Variants in EFHC1 observed in about 807,000 individuals in gnomAD.
EFHC1 encodes the protein EF-hand domain-containing protein 1.
EFHC1 carries 53 observed loss-of-function variants against 69.9 expected under a neutral mutation model. That is an observed-to-expected ratio of 0.76 (90% CI 0.61 to 0.95). The LOEUF (loss-of-function observed/expected upper bound fraction) is 0.95. EFHC1 is among the 40% of genes least tolerant of loss of function. EFHC1 has a pLI of 0.00. For missense variants in EFHC1, 739 were observed against 798.7 expected (o/e 0.93, Z 0.90); for synonymous variants, 256 against 278.4 (o/e 0.92, Z 0.80).
chr6:52,424,765 G>C (rs1010236134), intron 2 of EFHC1, among the ~76,000 whole-genome samples: 1 of 152,022 alleles, frequency 6.6e-6, no homozygotes, highest in African/African-American at 2.4e-5. Flanking sequence ...CCTTGTCAAT[G>C]AGCCTCCTCT....
chr6:52,429,522 T>C (rs990600904), intron 2 of EFHC1, among the ~76,000 whole-genome samples: 2 of 152,214 alleles, frequency 1.3e-5, no homozygotes, highest in Non-Finnish European at 2.9e-5. Flanking sequence ...GCTTTATTTC[T>C]GGGCTCTCTG....
At position 52,438,430 on chromosome 6, in the gene EFHC1, G is replaced by T; in HGVS notation, c.412G>T (p.Val138Leu). The T allele has an allele frequency of 1.2e-6, 2 of 1,614,048 alleles. No homozygotes were observed. The highest frequency in any genetic ancestry group is 1.7e-6 in the Non-Finnish European group (2 of 1,179,984). The change falls in exon 3 of 11, where the codon GTA becomes TTA. Residue 138 changes from valine (V) to leucine (L), a missense_variant. Coordinates refer to ENST00000371068, the MANE Select transcript of EFHC1 (RefSeq NM_018100.4). Reference protein sequence around the residue: ...DDSMSVIEPVVENSGILQGKL... With the variant: ...DDSMSVIEPVLENSGILQGKL... ...CAGCATGTCTGTCATAGAGCCTGTTGTAGAAAATTCTGGAATCCTTCAAGG... is the reference window on the plus strand; with the variant it reads ...CAGCATGTCTGTCATAGAGCCTGTTTTAGAAAATTCTGGAATCCTTCAAGG...
At chr6:52,463,102 A>G (rs1765210442) in intron 5 of EFHC1, among the ~76,000 whole-genome samples, 1 of 151,426 alleles carries the variant, frequency 6.6e-6, no homozygotes, top group East Asian at 2.0e-4. Context: ...ATCTCGGCTC[A>G]CTGCAAGCTC....
At chr6:52,453,622 C>CA (rs150509864) in intron 4 of EFHC1, 74,500 of 988,888 alleles carry the variant, frequency 0.075, 111 homozygotes, top group African/African-American at 0.15. Context: ...GAAGCCTAGC[C>CA]AAAAAAAAAA....
chr6:52,453,860 G>A, intron 4 of EFHC1: 1 of 1,356,544 alleles, frequency 7.4e-7, no homozygotes, highest in South Asian at 1.2e-5. Flanking sequence ...TTCTTTTTTG[G>A]CACAAACTTA....
chr6:52,452,543 C>T (rs1187241518), intron 3 of EFHC1, 145 bp from the exon 4 acceptor site: 10 of 841,372 alleles, frequency 1.2e-5, no homozygotes, highest in Non-Finnish European at 1.9e-5. Context: ...TTTCAGGAGT[C>T]CTCCTACCTC....
intron 1 of EFHC1, chr6:52,421,160 C>G: frequency 1.7e-6 from 1 of 589,216 alleles, no homozygotes; most frequent in Non-Finnish European, 2.1e-6. Context: ...ATCCTCTCCC[C>G]ATTCCTTTCT....
intron 2 of EFHC1, among the ~76,000 whole-genome samples, 155 bp from the exon 3 acceptor site, chr6:52,438,149 T>C (rs1018191431): frequency 2.6e-5 from 4 of 152,194 alleles, no homozygotes; most frequent in Non-Finnish European, 5.9e-5. Context: ...TAGTTTGCAG[T>C]ATCTGTAGTT....
intron 2 of EFHC1, chr6:52,437,632 T>C (rs76920390): frequency 0.032 from 4,875 of 152,450 alleles, 115 homozygotes; most frequent in Non-Finnish European, 0.048. Context: ...TCTTCCTGGC[T>C]TGCATACAGC....
chr6:52,436,702 C>T (rs976730078), intron 2 of EFHC1, among the ~76,000 whole-genome samples: 13 of 152,048 alleles, frequency 8.5e-5, no homozygotes, highest in East Asian at 5.8e-4. Flanking sequence ...AGTGCAGTGG[C>T]GCTAACTCAG....
At chr6:52,431,478 A>G (rs1764412484) in intron 2 of EFHC1, among the ~76,000 whole-genome samples, 1 of 152,196 alleles carries the variant, frequency 6.6e-6, no homozygotes, top group South Asian at 2.1e-4. Flanking sequence ...ACTTAGGAGC[A>G]GGTTATTTAA....
intron 5 of EFHC1, among the ~76,000 whole-genome samples, chr6:52,456,642 T>C (rs984390612): frequency 3.9e-5 from 6 of 152,162 alleles, no homozygotes; most frequent in Non-Finnish European, 7.4e-5. Flanking sequence ...GGCTGGTCGC[T>C]GTGGCCGAAG....
chr6:52,465,947 A>G (rs993379399), intron 6 of EFHC1, among the ~76,000 whole-genome samples: 1 of 150,640 alleles, frequency 6.6e-6, no homozygotes, highest in Non-Finnish European at 1.5e-5. Context: ...TTATATTATG[A>G]CATATAGATA....
intron 2 of EFHC1, among the ~76,000 whole-genome samples, chr6:52,428,899 A>G (rs1764359691): frequency 6.6e-6 from 1 of 152,190 alleles, no homozygotes; most frequent in Non-Finnish European, 1.5e-5. Flanking sequence ...CAGGACTAAG[A>G]TGATATCACA....
intron 5 of EFHC1, among the ~76,000 whole-genome samples, chr6:52,454,783 T>A (rs9463790): frequency 0.042 from 6,456 of 152,232 alleles, 239 homozygotes; most frequent in East Asian, 0.14. Flanking sequence ...CAGCTCATTC[T>A]TTACTGGTTT....
chr6:52,464,006 T>C (rs1219141265), intron 5 of EFHC1, among the ~76,000 whole-genome samples: 1 of 152,204 alleles, frequency 6.6e-6, no homozygotes, highest in Non-Finnish European at 1.5e-5. Flanking sequence ...AATTACTAGT[T>C]AGGAGAACAT....
intron 7 of EFHC1, among the ~76,000 whole-genome samples, chr6:52,476,570 C>A (rs545327573): frequency 6.6e-6 from 1 of 152,142 alleles, no homozygotes. Context: ...TGATCAAGGT[C>A]AGTGTTATCC....
chr6:52,495,303 A>C lies in EFHC1; in HGVS notation c.*2962A>C, dbSNP rs1425315391. 1 of 454,116 alleles carries C rather than the reference A, an allele frequency of 2.2e-6. No homozygotes were observed. Among genetic ancestry groups the C allele is most frequent in the Admixed American group, 2.3e-5 (1 of 42,582 alleles). The allele number at this position is 454,116 out of a possible 1,614,324, so 28.1% of individuals were successfully genotyped here. A position where few individuals can be genotyped will look rare whatever the true frequency, so the allele number is the denominator to read the frequency against. On this transcript the variant is annotated 3_prime_UTR_variant, in exon 11 of 11. Coordinates refer to ENST00000371068, the MANE Select transcript of EFHC1 (RefSeq NM_018100.4). ...AACTCCAGGGGACAGACACATGTCA[A>C]ACCCTGAGTCTTTTAAAGTATACCC...
chr6:52,453,705 T>TAA (rs1285605960), intron 4 of EFHC1: 1 of 1,249,336 alleles, frequency 8.0e-7, no homozygotes. Context: ...GGTTAATAAA[T>TAA]AAAAATTTTT....
Sources: allele counts gnomAD v4.1 joint callset (sites outside exome capture counted in the v4.1 genomes callset), GRCh38; gene constraint gnomAD v4.1.1; transcripts MANE v1.5; gene names NCBI Gene and HGNC (gene_info 2026-07-23, HGNC 2026-07-21).